Variants in ZSCAN25 observed in about 807,000 individuals in gnomAD.
The protein encoded by ZSCAN25 is zinc finger and SCAN domain-containing protein 25.
In ZSCAN25, 27 loss-of-function variants were observed where a neutral mutation model predicts 38.7. The observed-to-expected ratio is 0.70, with a 90% CI of 0.51 to 0.96. The LOEUF is 0.96. Ranked by LOEUF, ZSCAN25 falls within the 40% of genes least tolerant of loss-of-function variation. The probability of loss-of-function intolerance (pLI) is 0.00; values close to 1 mark genes in which losing one functional copy is unlikely to be tolerated. For synonymous variants in ZSCAN25, 273 were observed against 277.7 expected (o/e 0.98, Z 0.17); for missense variants, 637 against 705.9 (o/e 0.90, Z 1.11).
At chr7:99,620,852 CTCAGTTGA>C (rs1806894606) in intron 4 of ZSCAN25, 1 of 152,334 alleles carries the variant, frequency 6.6e-6, no homozygotes, top group Non-Finnish European at 1.5e-5. Context: ...GAGCTCCTGG[CTCAGTTGA>C]TCCTCCCACC....
the ZSCAN25 span, chr7:99,647,691 A>G: frequency 3.0e-6 from 3 of 985,344 alleles, no homozygotes; most frequent in African/African-American, 1.7e-5. Flanking sequence ...GCAAAGTCAC[A>G]GCAGATTAAC....
chr7:99,720,559 A>G, the ZSCAN25 span: 2 of 861,842 alleles, frequency 2.3e-6, no homozygotes, highest in South Asian at 1.7e-5. Flanking sequence ...TTCATTAGGT[A>G]TAACTCACAG....
the ZSCAN25 span, among the ~76,000 whole-genome samples, chr7:99,732,245 G>T: frequency 1.3e-5 from 2 of 152,126 alleles, no homozygotes; most frequent in African/African-American, 4.8e-5. Flanking sequence ...AGTCATGTAA[G>T]ATCTGCCTGC....
rs1332252376 is a variant in ZSCAN25 at position 99,631,299 on chromosome 7, C to T, written c.*1279C>T. On this transcript the variant is annotated 3_prime_UTR_variant, in exon 8 of 8. Transcript: ENST00000394152. ...CCCACTGGGGATGATGAGCTGGTAG[C>T]GACCTGTTTTGCATGAGTGCCAAGT... 8 of 985,098 alleles carry T rather than the reference C, an allele frequency of 8.1e-6. No individual in the cohort carries two copies. Among genetic ancestry groups the T allele is most frequent in the Non-Finnish European group, 9.6e-6 (8 of 829,912 alleles). 61.0% of individuals were successfully genotyped at this position (985,098 alleles called of 1,614,324 possible).
chr7:99,691,991 G>T, the ZSCAN25 span, among the ~76,000 whole-genome samples: 6 of 152,168 alleles, frequency 3.9e-5, no homozygotes, highest in Admixed American at 1.3e-4. Context: ...TCATAGCATC[G>T]ATGGTCTTTA....
chr7:99,619,487 C>T, intron 3 of ZSCAN25, 74 bp from the exon 4 acceptor site: 2 of 1,200,166 alleles, frequency 1.7e-6, no homozygotes, highest in Non-Finnish European at 1.2e-6. Context: ...ACTGTGTTCT[C>T]CAGTGGAATA....
downstream of ZSCAN25, among the ~76,000 whole-genome samples, chr7:99,636,004 G>A (rs1308782913): frequency 3.0e-5 from 4 of 134,608 alleles, no homozygotes; most frequent in Admixed American, 8.7e-5. Context: ...TGGAGATCGC[G>A]CCACTGCACT....
chr7:99,716,204 A>G, the ZSCAN25 span, among the ~76,000 whole-genome samples: 2 of 152,318 alleles, frequency 1.3e-5, no homozygotes, highest in South Asian at 2.1e-4. Context: ...CTGCAGTAGC[A>G]TGTGTTAATT....
At chr7:99,715,861 A>C in the ZSCAN25 span, 1 of 1,613,934 alleles carries the variant, frequency 6.2e-7, no homozygotes, top group Admixed American at 1.7e-5. Flanking sequence ...TGCTCACTCC[A>C]AATGATGTGC....
the ZSCAN25 span, chr7:99,647,602 G>A: frequency 1.0e-6 from 1 of 985,252 alleles, no homozygotes; most frequent in Non-Finnish European, 1.2e-6. Flanking sequence ...AATATGATAA[G>A]TGCTTCGTTG....
At chr7:99,720,376 T>G in the ZSCAN25 span, 2 of 1,613,786 alleles carry the variant, frequency 1.2e-6, no homozygotes, top group South Asian at 2.2e-5. Flanking sequence ...TGTCGGGATC[T>G]GTGATAGCCA....
chr7:99,732,477 T>G, the ZSCAN25 span, among the ~76,000 whole-genome samples: 1 of 152,124 alleles, frequency 6.6e-6, no homozygotes, highest in African/African-American at 2.4e-5. Context: ...AGCAGTCAGT[T>G]TATTGCGTCT....
chr7:99,700,115 G>T, the ZSCAN25 span: 1 of 969,386 alleles, frequency 1.0e-6, no homozygotes, highest in South Asian at 1.3e-5. Flanking sequence ...TCTGCCTGGA[G>T]CATCCCTGCC....
chr7:99,715,885 C>T, the ZSCAN25 span: 1 of 1,613,684 alleles, frequency 6.2e-7, no homozygotes, highest in Non-Finnish European at 8.5e-7. Flanking sequence ...TGATCACATC[C>T]ATGCTGTAGG....
At chr7:99,663,569 C>T in the ZSCAN25 span, 1 of 993,384 alleles carries the variant, frequency 1.0e-6, no homozygotes, top group Non-Finnish European at 1.2e-6. Flanking sequence ...CCTTTAATTG[C>T]AGAATATGTA....
chr7:99,629,188 T>C lies in ZSCAN25; in HGVS notation c.806-3T>C. On this transcript the variant is annotated splice_region_variant and splice_polypyrimidine_tract_variant and intron_variant, in intron 7 of 7. Transcript: ENST00000394152. This position sits in a 1 kb window ranked among gnomAD's most constrained non-coding sequence, Gnocchi z 5.6. ...TCAATCTTTATCTCCTCCTGTCCTG[T>C]AGGCGGTGGGAGCAAGGAAAAGGAG... 6.2e-7 allele frequency: 1 copy of C among 1,604,552 alleles called. No individual in the cohort carries two copies. Among genetic ancestry groups the C allele is most frequent in the Non-Finnish European group, 8.5e-7 (1 of 1,175,398 alleles).
the ZSCAN25 span, among the ~76,000 whole-genome samples, chr7:99,648,909 CAGAA>C: frequency 6.6e-6 from 1 of 152,170 alleles, no homozygotes; most frequent in Non-Finnish European, 1.5e-5. Flanking sequence ...GAAATGTCTT[CAGAA>C]AGAATTATTC....
chr7:99,717,429 G>A, the ZSCAN25 span: 1 of 1,584,328 alleles, frequency 6.3e-7, no homozygotes. Flanking sequence ...AAATTCAGCA[G>A]ACTACTCCTC....
At chr7:99,728,076 C>T in the ZSCAN25 span, among the ~76,000 whole-genome samples, 10 of 152,280 alleles carry the variant, frequency 6.6e-5, no homozygotes, top group Admixed American at 5.2e-4. Context: ...GCCAGTTTTT[C>T]TCCTTCTCAT....
Sources: allele counts gnomAD v4.1 joint callset (sites outside exome capture counted in the v4.1 genomes callset), GRCh38; gene constraint gnomAD v4.1.1; non-coding constraint Gnocchi (gnomAD v3.1); transcripts MANE v1.5; gene names NCBI Gene and HGNC (gene_info 2026-07-23, HGNC 2026-07-21).